Variants in WDFY2 observed in about 807,000 individuals in gnomAD.
The protein encoded by WDFY2 is WD repeat and FYVE domain containing 2, also known as WD repeat and FYVE domain-containing protein 2.
In WDFY2, 36 loss-of-function variants were observed where a neutral mutation model predicts 56.4. The ratio of observed to expected loss-of-function variants is 0.64; its 90% CI spans 0.49 to 0.84. WDFY2 has a LOEUF of 0.84. Ranked by LOEUF, WDFY2 falls within the 40% of genes least tolerant of loss-of-function variation. WDFY2 has a pLI of 0.00. For missense variants in WDFY2, 444 were observed against 512.2 expected, an observed-to-expected ratio of 0.87 and a Z score of 1.29; for synonymous variants, 176 against 183.7, an observed-to-expected ratio of 0.96 and a Z score of 0.34.
At chr13:51,645,320 T>C (rs1336322061) in intron 1 of WDFY2, among the ~76,000 whole-genome samples, 1 of 152,100 alleles carries the variant, frequency 6.6e-6, no homozygotes, top group Non-Finnish European at 1.5e-5. Flanking sequence ...TGGGCTTCAC[T>C]TCTCCCAGCC....
chr13:51,713,109 T>C (rs1197852011), intron 4 of WDFY2, among the ~76,000 whole-genome samples: 1 of 152,182 alleles, frequency 6.6e-6, no homozygotes, highest in Non-Finnish European at 1.5e-5. Context: ...AGTGAAAGAC[T>C]TTCCAGCCCA....
chr13:51,638,028 C>T (rs4943014), intron 1 of WDFY2, among the ~76,000 whole-genome samples: 70,801 of 151,976 alleles, frequency 0.47, 16,825 homozygotes, highest in Admixed American at 0.54. Context: ...GCCCTCACTC[C>T]AGATGGAGTC....
At chr13:51,600,505 T>G (rs1954253196) in intron 1 of WDFY2, among the ~76,000 whole-genome samples, 2 of 152,190 alleles carry the variant, frequency 1.3e-5, no homozygotes, top group South Asian at 4.1e-4. Flanking sequence ...TGGCATAACA[T>G]GGCTGCCGGC....
intron 6 of WDFY2, among the ~76,000 whole-genome samples, chr13:51,730,089 C>T (rs1275188500): frequency 6.6e-6 from 1 of 152,140 alleles, no homozygotes; most frequent in Non-Finnish European, 1.5e-5. Context: ...AGTATTTGTC[C>T]TTTTGTGACT....
chr13:51,593,477 A>G (rs1366572727), intron 1 of WDFY2, among the ~76,000 whole-genome samples: 2 of 152,186 alleles, frequency 1.3e-5, no homozygotes, highest in Admixed American at 6.5e-5. Context: ...ATTATTTTCC[A>G]AAAGGTTTAT....
At chr13:51,608,709 A>C (rs1212792131) in intron 1 of WDFY2, among the ~76,000 whole-genome samples, 1 of 152,048 alleles carries the variant, frequency 6.6e-6, no homozygotes, top group Non-Finnish European at 1.5e-5. Flanking sequence ...AAACAATCAC[A>C]TTTTATTTTC....
intron 4 of WDFY2, among the ~76,000 whole-genome samples, chr13:51,707,981 G>A (rs1272636508): frequency 1.1e-5 from 1 of 88,350 alleles, no homozygotes; most frequent in African/African-American, 4.6e-5. Context: ...TGGAGACTGA[G>A]TCTTGCTCTG....
chr13:51,701,464 T>G (rs1311316461), intron 3 of WDFY2, among the ~76,000 whole-genome samples: 1 of 140,616 alleles, frequency 7.1e-6, no homozygotes, highest in Non-Finnish European at 1.5e-5. Context: ...GAGGTTGCAG[T>G]GAGCCAAGAT....
At chr13:51,597,863 A>G (rs1056618191) in intron 1 of WDFY2, among the ~76,000 whole-genome samples, 1 of 152,198 alleles carries the variant, frequency 6.6e-6, no homozygotes, top group East Asian at 1.9e-4. Flanking sequence ...AAAATAATCA[A>G]CCTTGGTGGT....
At chr13:51,675,737 T>G (rs1955875946) in intron 3 of WDFY2, among the ~76,000 whole-genome samples, 1 of 152,210 alleles carries the variant, frequency 6.6e-6, no homozygotes, top group Non-Finnish European at 1.5e-5. Context: ...TCTGTAAATT[T>G]GTATGAATTT....
Position 51,706,817 on chromosome 13 carries a change from T to A in WDFY2, c.334+3167T>A, listed in dbSNP as rs575226634. On this transcript the variant is annotated intron_variant, in intron 4 of 11. Coordinates refer to ENST00000298125, the MANE Select transcript of WDFY2 (RefSeq NM_052950.4). ...CTTAAGATGAATTCTTCATTTTTTT[T>A]AAATTGTAAAACTAACAAGCAATCA... is the stretch of plus-strand genomic sequence containing the variant. 6.6e-5 allele frequency among the ~76,000 whole-genome samples: 10 copies of A among 152,304 alleles called. No individual in the cohort carries two copies. In the South Asian group the frequency reaches 1.5e-3, roughly 22 times the overall value.
At chr13:51,617,482 A>G (rs2138348449) in intron 1 of WDFY2, among the ~76,000 whole-genome samples, 2 of 152,240 alleles carry the variant, frequency 1.3e-5, no homozygotes, top group Middle Eastern at 6.8e-3. Context: ...CATTCAGTAC[A>G]AAGTTGTCCT....
At chr13:51,685,034 A>G (rs1956038734) in intron 3 of WDFY2, among the ~76,000 whole-genome samples, 1 of 152,128 alleles carries the variant, frequency 6.6e-6, no homozygotes, top group South Asian at 2.1e-4. Flanking sequence ...ACCAAACTTC[A>G]AACTTTTTGA....
At chr13:51,738,944 G>A in intron 6 of WDFY2, 105 bp from the exon 7 acceptor site, 2 of 1,274,922 alleles carry the variant, frequency 1.6e-6, no homozygotes, top group Non-Finnish European at 2.0e-6. Context: ...AGAATTTATT[G>A]TATGCCAGGA....
At chr13:51,655,729 A>G (rs958982004) in intron 1 of WDFY2, among the ~76,000 whole-genome samples, 3 of 151,966 alleles carry the variant, frequency 2.0e-5, no homozygotes, top group Non-Finnish European at 4.4e-5. Context: ...TTTGAATAGG[A>G]TTGTTGTTCA....
chr13:51,731,457 A>G (rs912779610), intron 6 of WDFY2, among the ~76,000 whole-genome samples: 7 of 152,240 alleles, frequency 4.6e-5, no homozygotes, highest in African/African-American at 1.7e-4. Flanking sequence ...CAAGAAATAT[A>G]TTTGAGAAAA....
intron 1 of WDFY2, among the ~76,000 whole-genome samples, chr13:51,650,929 A>C (rs367861022): frequency 2.8e-4 from 42 of 152,314 alleles, no homozygotes; most frequent in South Asian, 6.2e-4. Context: ...CTGGCCTCAT[A>C]AAATGAGTTA....
chr13:51,654,729 T>G (rs1019090153), intron 1 of WDFY2, among the ~76,000 whole-genome samples: 1 of 152,238 alleles, frequency 6.6e-6, no homozygotes, highest in South Asian at 2.1e-4. Context: ...TCACATTCAT[T>G]TAGGAAATTC....
chr13:51,676,444 A>G (rs1254163346), intron 3 of WDFY2, among the ~76,000 whole-genome samples: 1 of 152,200 alleles, frequency 6.6e-6, no homozygotes, highest in East Asian at 1.9e-4. Context: ...TGAAGGGTGT[A>G]TTTGTCAAGA....
Sources: allele counts gnomAD v4.1 joint callset (sites outside exome capture counted in the v4.1 genomes callset), GRCh38; gene constraint gnomAD v4.1.1; transcripts MANE v1.5; gene names NCBI Gene and HGNC (gene_info 2026-07-23, HGNC 2026-07-21).